The following DAW1 variants were observed in gnomAD, a reference collection of about 807,000 sequenced individuals.
DAW1 encodes dynein assembly factor with WD repeat domains 1.
In DAW1, 47 loss-of-function variants were observed where a neutral mutation model predicts 56.5. That is an observed-to-expected ratio of 0.83 (90% CI 0.66 to 1.06). The LOEUF is 1.06. Among genes scored for constraint, DAW1 ranks in the 50% least tolerant of loss-of-function variants. The pLI is 0.00. For missense variants in DAW1, 505 were observed against 499.3 expected (o/e 1.01, Z -0.11); for synonymous variants, 190 against 179.0 (o/e 1.06, Z -0.49).
intron 1 of DAW1, among the ~76,000 whole-genome samples, chr2:227,877,932 A>G (rs1690919135): frequency 6.6e-6 from 1 of 152,256 alleles, no homozygotes; most frequent in African/African-American, 2.4e-5. Context: ...AGTCAAACGT[A>G]CATGTTTCAA....
At chr2:227,918,750 T>G (rs748235957) in intron 10 of DAW1, 30 bp from the exon 11 acceptor site, 3 of 1,610,284 alleles carry the variant, frequency 1.9e-6, no homozygotes, top group Admixed American at 3.4e-5. Flanking sequence ...TTAAGATGAA[T>G]TTATATATAT....
At chr2:227,886,870 T>C (rs1691143614) in intron 2 of DAW1, among the ~76,000 whole-genome samples, 1 of 152,212 alleles carries the variant, frequency 6.6e-6, no homozygotes, top group South Asian at 2.1e-4. Flanking sequence ...TAAGTTCAGA[T>C]AAGGTGAAAA....
intron 1 of DAW1, among the ~76,000 whole-genome samples, chr2:227,885,051 A>G (rs1304292828): frequency 2.0e-5 from 3 of 152,080 alleles, no homozygotes; most frequent in African/African-American, 7.2e-5. Context: ...GAATCTCACC[A>G]TGTAGTCGTT....
intron 11 of DAW1, among the ~76,000 whole-genome samples, chr2:227,920,390 C>T (rs189446560): frequency 1.3e-5 from 2 of 152,204 alleles, no homozygotes; most frequent in Admixed American, 6.5e-5. Flanking sequence ...AACCTTCAGT[C>T]ATTGAGGAGA....
Position 227,903,705 on chromosome 2 carries a change from C to T in DAW1, c.648+596C>T, listed in dbSNP as rs567862489. Among the ~76,000 whole-genome samples, 9 of 141,896 alleles carry T rather than the reference C, an allele frequency of 6.3e-5. No individual in the cohort carries two copies. The East Asian group carries it at 1.8e-3, about 29-fold the overall frequency. The allele number at this position is 141,896 out of a possible 152,430, so 93.1% of individuals were successfully genotyped here. A position where few individuals can be genotyped will look rare whatever the true frequency, so the allele number is the denominator to read the frequency against. The stretch of plus-strand genomic sequence containing the variant: ...TCCTCCCACCCTCCCCTTCCTCCCA[C>T]CCCAGCCCAAGTCACTGCAACAAAA... On this transcript the variant is annotated intron_variant, in intron 7 of 12. Coordinates refer to ENST00000309931, the MANE Select transcript of DAW1 (RefSeq NM_178821.3).
chr2:227,920,522 G>T (rs377750639), intron 11 of DAW1, among the ~76,000 whole-genome samples: 1 of 152,170 alleles, frequency 6.6e-6, no homozygotes, highest in African/African-American at 2.4e-5. Flanking sequence ...CCTGGCACAC[G>T]GGAGGCACAG....
At chr2:227,920,033 G>C (rs975247434) in intron 11 of DAW1, among the ~76,000 whole-genome samples, 3 of 152,114 alleles carry the variant, frequency 2.0e-5, no homozygotes, top group Non-Finnish European at 4.4e-5. Context: ...AGGAGGGGAT[G>C]GAAAAGTGGG....
chr2:227,892,828 T>G (rs567873141), intron 4 of DAW1, among the ~76,000 whole-genome samples: 2 of 152,340 alleles, frequency 1.3e-5, no homozygotes, highest in East Asian at 3.9e-4. Flanking sequence ...TGAAGCAATA[T>G]TTTGATTTCA....
Position 227,871,743 on chromosome 2 carries a change from C to T in DAW1, c.40+14C>T, listed in dbSNP as rs1690754211. ...ATTACCCGCCAGGTACGCACCAGCC[C>T]GGCCCCGTCATCCCCACGTGGGACC... is the stretch of plus-strand genomic sequence containing the variant. On this transcript the variant is annotated intron_variant, in intron 1 of 12. Transcript: ENST00000309931. The T allele has an allele frequency of 6.2e-7, 1 of 1,613,734 alleles. No individual in the cohort carries two copies. The highest frequency in any genetic ancestry group is 8.5e-7 in the Non-Finnish European group (1 of 1,179,826).
At chr2:227,907,627 A>G (rs1691716772) in intron 10 of DAW1, among the ~76,000 whole-genome samples, 1 of 152,100 alleles carries the variant, frequency 6.6e-6, no homozygotes, top group Non-Finnish European at 1.5e-5. Flanking sequence ...GGCTCAACGC[A>G]ACCTCCGCCT....
chr2:227,913,913 G>A (rs1553603856), intron 10 of DAW1, among the ~76,000 whole-genome samples: 241 of 106,972 alleles, frequency 2.3e-3, no homozygotes, highest in African/African-American at 6.9e-3. Context: ...CTGTCTGTCT[G>A]TCTGTCTATC....
chr2:227,874,738 C>T (rs1344775299), intron 1 of DAW1, among the ~76,000 whole-genome samples: 2 of 151,924 alleles, frequency 1.3e-5, no homozygotes, highest in Non-Finnish European at 1.5e-5. Flanking sequence ...AAAAACTATC[C>T]TGAACTGAGG....
intron 5 of DAW1, among the ~76,000 whole-genome samples, chr2:227,896,585 TAA>T (rs1194933499): frequency 7.4e-6 from 1 of 135,692 alleles, no homozygotes; most frequent in Non-Finnish European, 1.6e-5. Flanking sequence ...CACCAAAGAA[TAA>T]GAGGGAGTGT....
intron 1 of DAW1, among the ~76,000 whole-genome samples, chr2:227,881,743 C>CTTTTTTTTTT: frequency 1.3e-5 from 1 of 78,608 alleles, no homozygotes; most frequent in Non-Finnish European, 2.3e-5. Context: ...CTGCCACATT[C>CTTTTTTTTTT]TTTTTTTTTT....
At chr2:227,921,264 A>G (rs1208364568) in intron 11 of DAW1, 135 bp from the exon 12 acceptor site, 6 of 947,834 alleles carry the variant, frequency 6.3e-6, no homozygotes, top group Non-Finnish European at 7.5e-6. Flanking sequence ...TCTATGCAAG[A>G]ATAAATACCA....
chr2:227,921,393 T>C lies in DAW1; in HGVS notation c.1051-6T>C. On this transcript the variant is annotated splice_polypyrimidine_tract_variant and splice_region_variant and intron_variant, in intron 11 of 12. Coordinates refer to ENST00000309931, the MANE Select transcript of DAW1 (RefSeq NM_178821.3). ...AGCTGTGATCATTTTTCTTTCTCTT[T>C]TGCAGATTTCTTTCAACCCTCAAGG... 1 of 1,593,146 alleles carries C rather than the reference T, an allele frequency of 6.3e-7. No homozygotes were observed. Among genetic ancestry groups the C allele is most frequent in the Non-Finnish European group, 8.6e-7 (1 of 1,168,130 alleles).
At chr2:227,873,863 C>T (rs762810484) in intron 1 of DAW1, among the ~76,000 whole-genome samples, 15 of 151,980 alleles carry the variant, frequency 9.9e-5, no homozygotes, top group Non-Finnish European at 1.6e-4. Context: ...GTATTTTTAG[C>T]AGAGACGGGG....
At chr2:227,915,356 T>C (rs11691153) in intron 10 of DAW1, among the ~76,000 whole-genome samples, 28,099 of 152,100 alleles carry the variant, frequency 0.18, 3,251 homozygotes, top group Non-Finnish European at 0.26. Context: ...TCATCACTTG[T>C]GTGTCATCAA....
At chr2:227,911,155 A>G (rs1372884215) in intron 10 of DAW1, among the ~76,000 whole-genome samples, 1 of 149,984 alleles carries the variant, frequency 6.7e-6, no homozygotes, top group Non-Finnish European at 1.5e-5. Context: ...ATGCTTGCAT[A>G]TATTTAAGAA....
Sources: allele counts gnomAD v4.1 joint callset (sites outside exome capture counted in the v4.1 genomes callset), GRCh38; gene constraint gnomAD v4.1.1; transcripts MANE v1.5; gene names NCBI Gene and HGNC (gene_info 2026-07-23, HGNC 2026-07-21).